The following ANO5 variants were observed in gnomAD, a reference collection of about 807,000 sequenced individuals.
ANO5 encodes the protein anoctamin 5.
In ANO5, 109 loss-of-function variants were observed where a neutral mutation model predicts 121.0. The observed-to-expected ratio is 0.90, with a 90% confidence interval of 0.77 to 1.06. The LOEUF (loss-of-function observed/expected upper bound fraction) is 1.06. ANO5 is among the 50% of genes least tolerant of loss of function. The pLI is 0.00. For missense variants in ANO5, 1,064 were observed against 1,078.5 expected (o/e 0.99, Z 0.19); for synonymous variants, 406 against 359.9 (o/e 1.13, Z -1.45).
intron 20 of ANO5, among the ~76,000 whole-genome samples, chr11:22,275,615 G>A (rs1564953602): frequency 6.6e-6 from 1 of 151,790 alleles, no homozygotes; most frequent in Admixed American, 6.6e-5. Context: ...TCAGAATTGT[G>A]TTAAGAAAAA....
intron 9 of ANO5, among the ~76,000 whole-genome samples, chr11:22,244,332 T>C (rs1448751178): frequency 6.6e-6 from 1 of 152,090 alleles, no homozygotes; most frequent in Non-Finnish European, 1.5e-5. Context: ...TAGCTGCCTT[T>C]AAATTTTTTT....
intron 12 of ANO5, among the ~76,000 whole-genome samples, chr11:22,251,370 A>G (rs1480304636): frequency 2.0e-5 from 3 of 152,332 alleles, no homozygotes; most frequent in Admixed American, 6.5e-5. Context: ...ATGTATACAA[A>G]CTGGAACACA....
intron 2 of ANO5, among the ~76,000 whole-genome samples, chr11:22,207,212 A>ATAC (rs1308840375): frequency 1.3e-5 from 2 of 152,168 alleles, no homozygotes; most frequent in Non-Finnish European, 2.9e-5. Context: ...TTTTATGGAA[A>ATAC]TACAAAGGAA....
intron 17 of ANO5, 107 bp from the exon 18 acceptor site, chr11:22,270,205 G>A: frequency 3.6e-6 from 5 of 1,405,054 alleles, no homozygotes; most frequent in African/African-American, 1.4e-5. Flanking sequence ...GTGATCTTAA[G>A]TTATTTAATC....
At position 22,221,123 on chromosome 11, in the gene ANO5, T is replaced by C; in HGVS notation, c.207T>C (p.Asp69=). 6.2e-7 allele frequency: 1 copy of C among 1,611,710 alleles called. No homozygotes were observed. Among genetic ancestry groups the C allele is most frequent in the Non-Finnish European group, 8.5e-7 (1 of 1,178,528 alleles). The part of the protein sequence containing the change: ...LMFQKNQQSK[D]SIFFRDGIRQ... ...TTCAAAAAAATCAGCAAAGCAAAGA[T>C]TCTATCTTCTTCCGAGATGGGATTA... The change falls in exon 5 of 22, where the codon GAT becomes GAC. Residue 69 remains aspartate (D), a synonymous_variant. Coordinates refer to ENST00000324559, the MANE Select transcript of ANO5 (RefSeq NM_213599.3).
At chr11:22,272,705 A>T in intron 18 of ANO5, 79 bp from the exon 19 acceptor site, 2 of 1,332,326 alleles carry the variant, frequency 1.5e-6, no homozygotes. Context: ...AAAACGAAGG[A>T]AGTAGCAGGA....
chr11:22,279,816 C>A lies in ANO5; in HGVS notation c.*51C>A. 6.6e-7 allele frequency: 1 copy of A among 1,506,326 alleles called. No individual in the cohort carries two copies. The highest frequency in any genetic ancestry group is 1.7e-5 in the Admixed American group (1 of 58,600). The allele number at this position is 1,506,326 out of a possible 1,614,324, so 93.3% of individuals were successfully genotyped here. A position where few individuals can be genotyped will look rare whatever the true frequency, so the allele number is the denominator to read the frequency against. On this transcript the variant is annotated 3_prime_UTR_variant, in exon 22 of 22. Coordinates refer to ENST00000324559, the MANE Select transcript of ANO5 (RefSeq NM_213599.3). ...GATCTGCCTTACTTCACTTTATCCT[C>A]TGGTTTTAGGGCCAGACGCCAGAAG...
At chr11:22,238,779 A>G (rs1203959090) in intron 8 of ANO5, among the ~76,000 whole-genome samples, 2 of 152,036 alleles carry the variant, frequency 1.3e-5, no homozygotes, top group African/African-American at 2.4e-5. Flanking sequence ...TTTAGGGTAC[A>G]TGTGCACAAT....
chr11:22,251,088 A>G, intron 12 of ANO5, 77 bp downstream of exon 12: 1 of 1,364,896 alleles, frequency 7.3e-7, no homozygotes. Context: ...CATATGACAG[A>G]TGAAATATCT....
rs551218752 is a variant in ANO5 at position 22,225,928 on chromosome 11, T to A, written c.295-56T>A. The A allele has an allele frequency of 1.2e-4, 162 of 1,368,562 alleles. 1 individual carries two copies. The South Asian group carries it at 1.9e-3, about 16-fold the overall frequency. 84.8% of individuals were successfully genotyped at this position (1,368,562 alleles called of 1,614,324 possible). A position where few individuals can be genotyped will look rare whatever the true frequency, so the allele number is the denominator to read the frequency against. On this transcript the variant is annotated intron_variant, in intron 5 of 21. Transcript: ENST00000324559. Reference sequence around the variant, plus strand: ...CATTGTATATTGAATCTGTCAATACTGAGCAAATAAAACAAAAGCATTCTG... The same window carrying A: ...CATTGTATATTGAATCTGTCAATACAGAGCAAATAAAACAAAAGCATTCTG...
intron 4 of ANO5, among the ~76,000 whole-genome samples, chr11:22,219,938 T>C (rs988781475): frequency 1.3e-5 from 2 of 151,620 alleles, no homozygotes; most frequent in Non-Finnish European, 2.9e-5. Flanking sequence ...CACACATTTC[T>C]TCCTGTGCAT....
intron 3 of ANO5, among the ~76,000 whole-genome samples, chr11:22,217,545 A>G (rs1441000782): frequency 2.6e-5 from 4 of 151,690 alleles, no homozygotes; most frequent in Non-Finnish European, 5.9e-5. Context: ...CAAAATATCT[A>G]TTTTACTTTA....
In ANO5 at chr11:22,274,728, C is replaced by A; in HGVS notation, c.2395C>A (p.Arg799=). The stretch of plus-strand genomic sequence containing the variant: ...AAACCACACTGCACCTTCGGAAAAA[C>A]GAGACTTCATCACTTGCAGGTGATT... The part of the protein sequence containing the change: ...FPNHTAPSEK[R]DFITCRYRDY... The change falls in exon 20 of 22, where the codon CGA becomes AGA. Residue 799 remains arginine, a synonymous_variant. Coordinates refer to ENST00000324559, the MANE Select transcript of ANO5 (RefSeq NM_213599.3). 1 of 1,613,364 alleles carries A rather than the reference C, an allele frequency of 6.2e-7. No individual in the cohort carries two copies. The highest frequency in any genetic ancestry group is 1.1e-5 in the South Asian group (1 of 91,062).
chr11:22,223,864 T>C (rs1852737797), intron 5 of ANO5, among the ~76,000 whole-genome samples: 1 of 151,816 alleles, frequency 6.6e-6, no homozygotes. Flanking sequence ...AGTTTTCCTA[T>C]TAGCTACTAT....
chr11:22,195,008 C>T (rs988941753), intron 1 of ANO5, among the ~76,000 whole-genome samples: 1 of 152,098 alleles, frequency 6.6e-6, no homozygotes, highest in African/African-American at 2.4e-5. Flanking sequence ...TAAGAAACTG[C>T]CAAACTGTTT....
At chr11:22,276,060 ATT>A (rs5790245) in intron 20 of ANO5, 32 bp from the exon 21 acceptor site, 33,936 of 955,624 alleles carry the variant, frequency 0.036, 118 homozygotes, top group African/African-American at 0.058. Context: ...AACTATTATT[ATT>A]TTTTTTTTTT....
At chr11:22,266,141 C>T (rs1189706873) in intron 17 of ANO5, among the ~76,000 whole-genome samples, 2 of 151,934 alleles carry the variant, frequency 1.3e-5, no homozygotes, top group Admixed American at 6.6e-5. Context: ...TTTTAAAAAG[C>T]AAGGAAGTGA....
intron 7 of ANO5, among the ~76,000 whole-genome samples, chr11:22,235,458 C>G (rs1853182870): frequency 6.6e-6 from 1 of 151,382 alleles, no homozygotes; most frequent in South Asian, 2.1e-4. Flanking sequence ...CCATTCCAAT[C>G]AAAAAGTCCT....
At chr11:22,254,736 T>C (rs1853937864) in intron 12 of ANO5, among the ~76,000 whole-genome samples, 1 of 152,172 alleles carries the variant, frequency 6.6e-6, no homozygotes, top group Non-Finnish European at 1.5e-5. Context: ...TTATACTTTA[T>C]GTATTTTTCT....
Sources: allele counts gnomAD v4.1 joint callset (sites outside exome capture counted in the v4.1 genomes callset), GRCh38; gene constraint gnomAD v4.1.1; transcripts MANE v1.5; gene names NCBI Gene and HGNC (gene_info 2026-07-23, HGNC 2026-07-21).